IFT43: variants seen among roughly 807,000 people sequenced by gnomAD.
The protein encoded by IFT43 is intraflagellar transport 43.
In IFT43, 33 loss-of-function variants were observed where a neutral mutation model predicts 32.3. That is an observed-to-expected ratio of 1.02 (90% confidence interval 0.77 to 1.37). The LOEUF is 1.37. Ranked by LOEUF, IFT43 falls within the 40% of genes most tolerant of loss-of-function variation. The probability of loss-of-function intolerance (pLI) is 0.00; values close to 1 mark genes in which losing one functional copy is unlikely to be tolerated. For missense variants in IFT43, 274 were observed against 265.9 expected (o/e 1.03, Z -0.21); for synonymous variants, 93 against 98.2 (o/e 0.95, Z 0.31).
Position 76,076,908 on chromosome 14 carries a change from AC to A in IFT43, c.296-5384del, listed in dbSNP as rs200707683. On this transcript the variant is annotated intron_variant, in intron 5 of 8. Coordinates refer to ENST00000314067, the MANE Select transcript of IFT43 (RefSeq NM_001102564.3). ...ATAAGTTTCTATTTATTTAGGCAGC[AC>A]CCATTTATTTCTGTGGTATCATCTG... Among the ~76,000 whole-genome samples the A allele has an allele frequency of 9.9e-3, 1,501 of 151,962 alleles. 24 individuals are homozygous for A. The highest frequency in any genetic ancestry group is 0.035 in the African/African-American group (1,431 of 41,398).
intron 3 of IFT43, among the ~76,000 whole-genome samples, chr14:76,056,952 CT>C (rs1467630330): frequency 6.6e-6 from 1 of 152,198 alleles, no homozygotes; most frequent in Non-Finnish European, 1.5e-5. Flanking sequence ...AGTGGTTTCT[CT>C]TTGGTGCCTC....
chr14:76,029,569 T>C (rs572936896), intron 3 of IFT43, among the ~76,000 whole-genome samples: 25 of 152,326 alleles, frequency 1.6e-4, no homozygotes, highest in African/African-American at 5.8e-4. Context: ...TCCTAGGCTT[T>C]CTTCTAGGAT....
chr14:76,051,133 G>A (rs377332826), intron 3 of IFT43, among the ~76,000 whole-genome samples: 15 of 150,622 alleles, frequency 1.0e-4, no homozygotes, highest in South Asian at 2.1e-4. Flanking sequence ...ATGATCTAGC[G>A]TGACCTAAAA....
chr14:76,026,567 A>G (rs2036399692), intron 3 of IFT43, among the ~76,000 whole-genome samples: 1 of 151,870 alleles, frequency 6.6e-6, no homozygotes, highest in Admixed American at 6.6e-5. Flanking sequence ...AAAAAAAAAA[A>G]AAAAGTCAAA....
intron 3 of IFT43, among the ~76,000 whole-genome samples, chr14:76,029,615 T>C (rs907450264): frequency 2.6e-5 from 4 of 152,144 alleles, no homozygotes; most frequent in African/African-American, 9.7e-5. Flanking sequence ...AAGTCGTTGA[T>C]CCATCTTGAG....
intron 5 of IFT43, among the ~76,000 whole-genome samples, chr14:76,066,767 G>A (rs1250902816): frequency 6.6e-6 from 1 of 152,212 alleles, no homozygotes; most frequent in Admixed American, 6.5e-5. Context: ...GGAAGGGGCT[G>A]ATCACTCTCT....
At chr14:76,077,788 C>T (rs1159708624) in intron 5 of IFT43, among the ~76,000 whole-genome samples, 2 of 152,210 alleles carry the variant, frequency 1.3e-5, no homozygotes, top group Non-Finnish European at 2.9e-5. Context: ...CGCCTTCAGT[C>T]TCTCCAGTGT....
At chr14:76,083,410 A>C (rs1356203901) in intron 8 of IFT43, 48 bp from the exon 9 acceptor site, 1 of 1,614,038 alleles carries the variant, frequency 6.2e-7, no homozygotes. Flanking sequence ...GCTACAGTTG[A>C]GGGAAAAGGC....
At chr14:76,024,276 C>G (rs528321154) in intron 3 of IFT43, among the ~76,000 whole-genome samples, 1 of 152,166 alleles carries the variant, frequency 6.6e-6, no homozygotes, top group Admixed American at 6.5e-5. Flanking sequence ...AGAAAGTATT[C>G]CTCAGACTTC....
rs2036306855 is a variant in IFT43 at position 76,022,336 on chromosome 14, G to A, written c.157G>A (p.Ala53Thr). The part of the protein sequence containing the change: ...SLTLTGETSS[A>T]KLPRCRQGGW... Reference sequence around the variant, plus strand: ...TTCTCTTTCCTTGTAGACTTCCTCTGCTAAATTACCTCGCTGCCGACAGGG... The same window carrying A: ...TTCTCTTTCCTTGTAGACTTCCTCTACTAAATTACCTCGCTGCCGACAGGG... The change falls in exon 3 of 9, where the codon GCT (alanine) becomes ACT (threonine). Residue 53 changes from alanine to threonine, a missense_variant. Physicochemically the swap from Ala to Thr is moderately conservative, Grantham distance 58. Transcript: ENST00000314067. The A allele has an allele frequency of 1.9e-6, 3 of 1,613,426 alleles. No individual in the cohort carries two copies. The East Asian group carries it at 6.7e-5, about 36-fold the overall frequency.
chr14:76,063,742 G>A (rs1319529380), intron 5 of IFT43, among the ~76,000 whole-genome samples: 4 of 152,186 alleles, frequency 2.6e-5, no homozygotes, highest in Admixed American at 2.0e-4. Flanking sequence ...ACCTTTGCTT[G>A]TGACTGCACA....
At chr14:76,080,091 T>C (rs2037482308) in intron 5 of IFT43, among the ~76,000 whole-genome samples, 1 of 152,220 alleles carries the variant, frequency 6.6e-6, no homozygotes, top group African/African-American at 2.4e-5. Context: ...ACACCTGTTC[T>C]GCTGGGGGCC....
At chr14:76,047,951 C>T (rs2036841150) in intron 3 of IFT43, among the ~76,000 whole-genome samples, 1 of 151,978 alleles carries the variant, frequency 6.6e-6, no homozygotes, top group African/African-American at 2.4e-5. Flanking sequence ...ACCTGAGGAG[C>T]TATGGAGTCT....
chr14:76,080,685 C>T (rs2037494083), intron 5 of IFT43, among the ~76,000 whole-genome samples: 1 of 152,220 alleles, frequency 6.6e-6, no homozygotes, highest in African/African-American at 2.4e-5. Flanking sequence ...TCCATAGGGC[C>T]TGTGCAGTCT....
chr14:76,082,194 C>A, intron 5 of IFT43, 101 bp from the exon 6 acceptor site: 2 of 1,060,720 alleles, frequency 1.9e-6, no homozygotes, highest in Non-Finnish European at 3.0e-6. Flanking sequence ...CAGCCCACAG[C>A]CCCATGGCTG....
intron 3 of IFT43, among the ~76,000 whole-genome samples, chr14:76,049,246 C>T (rs544702667): frequency 6.6e-6 from 1 of 152,292 alleles, no homozygotes; most frequent in East Asian, 1.9e-4. Context: ...TCCCAAGATT[C>T]GTGTCTAGTC....
intron 2 of IFT43, among the ~76,000 whole-genome samples, chr14:76,008,243 T>C (rs1449225139): frequency 1.3e-5 from 2 of 152,192 alleles, no homozygotes; most frequent in Non-Finnish European, 2.9e-5. Flanking sequence ...ATTGGATCCT[T>C]AGAATGAAAT....
At chr14:76,041,343 A>G (rs2036702745) in intron 3 of IFT43, among the ~76,000 whole-genome samples, 1 of 152,340 alleles carries the variant, frequency 6.6e-6, no homozygotes, top group Middle Eastern at 3.4e-3. Context: ...TGTCCCTTAA[A>G]TGATAACAGC....
At chr14:75,992,562 T>C (rs1332314209) in intron 2 of IFT43, among the ~76,000 whole-genome samples, 1 of 152,148 alleles carries the variant, frequency 6.6e-6, no homozygotes, top group African/African-American at 2.4e-5. Context: ...TGTTTTTGTT[T>C]TGAGGCAGGG....
Sources: gnomAD v4.1 joint callset for allele counts (sites outside exome capture counted in the v4.1 genomes callset) on GRCh38, gnomAD v4.1.1 for gene constraint, MANE v1.5 for transcripts, NCBI Gene and HGNC (gene_info 2026-07-23, HGNC 2026-07-21) for gene names.